The following ADGRV1 variants were observed in gnomAD, a reference collection of about 807,000 sequenced individuals.
The protein encoded by ADGRV1 is adhesion G protein-coupled receptor V1.
ADGRV1 carries 359 observed loss-of-function variants against 596.2 expected under a neutral mutation model. The observed-to-expected ratio is 0.60, with a 90% CI of 0.55 to 0.66. ADGRV1 has a LOEUF of 0.66. ADGRV1 is among the 30% of genes least tolerant of loss of function. The pLI is 0.00. For synonymous variants in ADGRV1, 2,681 were observed against 2,679.2 expected, an observed-to-expected ratio of 1.00 and a Z score of -0.02; for missense variants, 7,274 against 7,575.6, an observed-to-expected ratio of 0.96 and a Z score of 1.48.
At position 90,842,501 on chromosome 5, in the gene ADGRV1, T is replaced by G. The variant is rs142959026; in HGVS notation, c.17019+1516T>G. ...TGGGAGGCGGAGGCAGGCAGATCAC[T>G]TGAGGTCAGGAGTTCAAGACCACCG... On this transcript the variant is annotated intron_variant, in intron 78 of 89. Coordinates refer to ENST00000405460, the MANE Select transcript of ADGRV1 (RefSeq NM_032119.4). Among the ~76,000 whole-genome samples the G allele has an allele frequency of 3.5e-3, 530 of 152,256 alleles. 5 individuals are homozygous for G. Among genetic ancestry groups the G allele is most frequent in the African/African-American group, 0.012 (509 of 41,546 alleles).
intron 85 of ADGRV1, among the ~76,000 whole-genome samples, chr5:91,069,222 T>C (rs1481459285): frequency 6.6e-6 from 1 of 152,164 alleles, no homozygotes; most frequent in Non-Finnish European, 1.5e-5. Flanking sequence ...ATTCTGGACA[T>C]AGGCCCTGGC....
intron 70 of ADGRV1, among the ~76,000 whole-genome samples, chr5:90,800,557 A>C (rs1761246071): frequency 5.9e-5 from 9 of 152,360 alleles, no homozygotes; most frequent in Admixed American, 5.9e-4. Context: ...CATTTGACCC[A>C]GCAATCCCAT....
chr5:90,673,399 CG>C (rs1260918446), intron 22 of ADGRV1, among the ~76,000 whole-genome samples: 1 of 152,102 alleles, frequency 6.6e-6, no homozygotes, highest in Non-Finnish European at 1.5e-5. Flanking sequence ...GATAAATCAA[CG>C]TATCATATAT....
At chr5:91,031,193 ATCG>A in intron 85 of ADGRV1, 1 of 1,513,284 alleles carries the variant, frequency 6.6e-7, no homozygotes, top group Non-Finnish European at 9.1e-7. Flanking sequence ...AAGAAGAGTA[ATCG>A]AGATTTCCAG....
chr5:90,558,953 G>C (rs1754426228), intron 1 of ADGRV1, 36 bp downstream of exon 1: 1 of 1,543,176 alleles, frequency 6.5e-7, no homozygotes, highest in African/African-American at 1.4e-5. Flanking sequence ...TGCGAGCATC[G>C]CTGAGCCCCA....
intron 85 of ADGRV1, among the ~76,000 whole-genome samples, chr5:91,070,084 A>G (rs1788251655): frequency 6.6e-6 from 1 of 152,216 alleles, no homozygotes; most frequent in African/African-American, 2.4e-5. Flanking sequence ...AAAGATGGCA[A>G]CAGTCACTGG....
intron 21 of ADGRV1, among the ~76,000 whole-genome samples, chr5:90,661,776 T>C (rs1290065232): frequency 6.6e-6 from 1 of 152,200 alleles, no homozygotes; most frequent in Non-Finnish European, 1.5e-5. Context: ...CCCCTTCATA[T>C]ACTGGCCTAA....
chr5:90,827,123 A>G (rs552737256), intron 76 of ADGRV1, among the ~76,000 whole-genome samples: 3 of 152,108 alleles, frequency 2.0e-5, no homozygotes, highest in Non-Finnish European at 4.4e-5. Flanking sequence ...TGGTTTTTCT[A>G]TTGCTGAATA....
chr5:90,888,612 G>A (rs1316376834), intron 83 of ADGRV1, among the ~76,000 whole-genome samples: 1 of 152,020 alleles, frequency 6.6e-6, no homozygotes, highest in Non-Finnish European at 1.5e-5. Context: ...TTTGATGTTG[G>A]ATATCATATA....
intron 85 of ADGRV1, among the ~76,000 whole-genome samples, chr5:91,018,137 G>A (rs764877169): frequency 1.7e-4 from 26 of 152,020 alleles, no homozygotes; most frequent in South Asian, 1.7e-3. Context: ...TGAAAGGGAA[G>A]GAAATACCTT....
At chr5:90,817,892 T>A (rs1763065602) in intron 75 of ADGRV1, among the ~76,000 whole-genome samples, 1 of 152,324 alleles carries the variant, frequency 6.6e-6, no homozygotes, top group Non-Finnish European at 1.5e-5. Context: ...GCCTTGGCGA[T>A]GCAGGCTCTT....
Position 90,774,217 on chromosome 5 carries a change from C to T in ADGRV1, c.12317C>T (p.Thr4106Ile). The change falls in exon 60 of 90, where the codon ACA (threonine) becomes ATA (isoleucine). Residue 4106 changes from threonine (T) to isoleucine (I), a missense_variant. Physicochemically the swap from Thr to Ile is moderately conservative, Grantham distance 89 (BLOSUM62 -1). Coordinates refer to ENST00000405460, the MANE Select transcript of ADGRV1 (RefSeq NM_032119.4). Reference protein sequence around the residue: ...TESQKTIVLHTLQDTVLEEDR... With the variant: ...TESQKTIVLHILQDTVLEEDR... ...TCCCAGAAGACCATTGTGTTGCACA[C>T]ACTTCAAGACACAGTGTTGGAGGAG... 1 of 1,609,324 alleles carries T rather than the reference C, an allele frequency of 6.2e-7. No individual in the cohort carries two copies. The highest frequency in any genetic ancestry group is 8.5e-7 in the Non-Finnish European group (1 of 1,176,482).
chr5:90,585,536 GC>G (rs1758643314), intron 1 of ADGRV1, among the ~76,000 whole-genome samples: 1 of 152,224 alleles, frequency 6.6e-6, no homozygotes, highest in Non-Finnish European at 1.5e-5. Context: ...ATGGAAGTGA[GC>G]CCCAGGGCTG....
intron 50 of ADGRV1, among the ~76,000 whole-genome samples, chr5:90,734,827 G>A (rs1052532393): frequency 6.6e-6 from 1 of 152,076 alleles, no homozygotes; most frequent in Non-Finnish European, 1.5e-5. Flanking sequence ...CAAAGTGCTG[G>A]GATTATAGGC....
intron 25 of ADGRV1, among the ~76,000 whole-genome samples, chr5:90,677,232 G>A (rs1744352474): frequency 6.6e-6 from 1 of 152,082 alleles, no homozygotes; most frequent in Non-Finnish European, 1.5e-5. Flanking sequence ...TACGAAAATT[G>A]TCTTTATGTA....
intron 85 of ADGRV1, among the ~76,000 whole-genome samples, chr5:91,012,899 A>C (rs1581787288): frequency 6.6e-6 from 1 of 151,846 alleles, no homozygotes; most frequent in South Asian, 2.1e-4. Flanking sequence ...AGTAGACACC[A>C]ATGTCTGTTG....
chr5:90,781,267 G>C lies in ADGRV1; in HGVS notation c.13083-163G>C, dbSNP rs886755597. 5.9e-6 allele frequency: 4 copies of C among 676,026 alleles called. No homozygotes were observed. The African/African-American group carries it at 7.2e-5, about 12-fold the overall frequency. The allele number at this position is 676,026 out of a possible 1,614,324, so 41.9% of individuals were successfully genotyped here. A position where few individuals can be genotyped will look rare whatever the true frequency, so the allele number is the denominator to read the frequency against. On this transcript the variant is annotated intron_variant, in intron 64 of 89. Transcript: ENST00000405460. ...AAATCTGTTTCAAAACATCATTTCAGGAAAAAGAGAATATTTTAGCGTTGA... is the reference window on the plus strand; with the variant it reads ...AAATCTGTTTCAAAACATCATTTCACGAAAAAGAGAATATTTTAGCGTTGA...
In ADGRV1 at chr5:90,720,990, C is replaced by T. The variant is rs267600727; in HGVS notation, c.9679C>T (p.Arg3227Ter). The change falls in exon 45 of 90, where the codon CGA (arginine) becomes TGA (stop). Residue 3227 changes from arginine (R) to a stop codon, truncating the protein, a stop_gained. Coordinates refer to ENST00000405460, the MANE Select transcript of ADGRV1 (RefSeq NM_032119.4). LOFTEE classifies it high-confidence loss of function. ...ANRTVYLNVS[R>*]TNGIDLAVSV... The stretch of plus-strand genomic sequence containing the variant: ...TAGGACCGTGTATTTAAATGTATCT[C>T]GAACTAATGGCATTGATTTGGCTGT... The T allele has an allele frequency of 6.2e-6, 10 of 1,612,410 alleles. No individual in the cohort carries two copies. Among genetic ancestry groups the T allele is most frequent in the Middle Eastern group, 1.7e-4 (1 of 6,056 alleles).
intron 1 of ADGRV1, among the ~76,000 whole-genome samples, chr5:90,591,618 CTGACCACTAGGGAATTGTAAA>C (rs374948038): frequency 2.9e-3 from 440 of 152,242 alleles, no homozygotes; most frequent in African/African-American, 0.01. Flanking sequence ...CAATGCTTAA[CTGACCACTAGGGAATTGTAAA>C]TGATTGAAAA....
Sources: gnomAD v4.1 joint callset for allele counts (sites outside exome capture counted in the v4.1 genomes callset) on GRCh38, gnomAD v4.1.1 for gene constraint, MANE v1.5 for transcripts, NCBI Gene and HGNC (gene_info 2026-07-23, HGNC 2026-07-21) for gene names.